Variants in MAGI2 observed in about 807,000 individuals in gnomAD.
The protein encoded by MAGI2 is membrane-associated guanylate kinase, WW and PDZ domain-containing protein 2.
In MAGI2, 35 loss-of-function variants were observed where a neutral mutation model predicts 133.3. The ratio of observed to expected loss-of-function variants is 0.26; its 90% CI spans 0.20 to 0.35. The LOEUF (loss-of-function observed/expected upper bound fraction) is 0.35. MAGI2 is among the 10% of genes least tolerant of loss of function. The pLI is 1.00. For synonymous variants in MAGI2, 729 were observed against 710.6 expected (o/e 1.03, Z -0.41); for missense variants, 1,636 against 1,863.4 (o/e 0.88, Z 2.25).
Position 79,403,495 on chromosome 7 carries a change from T to C in MAGI2, c.301+49525A>G, listed in dbSNP as rs545437273. 9.2e-5 allele frequency among the ~76,000 whole-genome samples: 14 copies of C among 152,248 alleles called. 1 individual carries two copies. The highest frequency in any genetic ancestry group is 3.4e-3 in the Middle Eastern group (1 of 294). On this transcript the variant is annotated intron_variant, in intron 1 of 21. Transcript: ENST00000354212. ...TTTAAAATTATTTAAAAAGCACTTC[T>C]GGATAAAGTATAGAAATATATATTT... is the stretch of plus-strand genomic sequence containing the variant.
chr7:78,523,228 A>G (rs1796661553), intron 3 of MAGI2, among the ~76,000 whole-genome samples: 1 of 152,204 alleles, frequency 6.6e-6, no homozygotes, highest in African/African-American at 2.4e-5. Context: ...AGTTGGGAAG[A>G]GCAGTAATTG....
At chr7:78,871,137 C>T (rs1584229991) in intron 2 of MAGI2, among the ~76,000 whole-genome samples, 1 of 152,122 alleles carries the variant, frequency 6.6e-6, no homozygotes, top group East Asian at 1.9e-4. Flanking sequence ...GGTGAAACCC[C>T]ATCGCTATCG....
intron 3 of MAGI2, among the ~76,000 whole-genome samples, chr7:78,532,809 T>C (rs1344101832): frequency 6.6e-6 from 1 of 152,244 alleles, no homozygotes; most frequent in East Asian, 1.9e-4. Flanking sequence ...TTTGACTGCA[T>C]GATGCTAGCA....
Position 78,594,181 on chromosome 7 carries a change from C to T in MAGI2, c.538+32939G>A, listed in dbSNP as rs28539077. Among the ~76,000 whole-genome samples, 1,051 of 152,200 alleles carry T rather than the reference C, an allele frequency of 6.9e-3. 7 individuals are homozygous for T. Among genetic ancestry groups the T allele is most frequent in the African/African-American group, 0.024 (1,003 of 41,510 alleles). ...AATGTTGAAGCTGCTCTCAGTTTGC[C>T]GGAACTATATAGCTTTGGCAGAAGC... On this transcript the variant is annotated intron_variant, in intron 3 of 21. Transcript: ENST00000354212.
intron 6 of MAGI2, among the ~76,000 whole-genome samples, chr7:78,459,382 C>T (rs1017254724): frequency 6.6e-6 from 1 of 152,166 alleles, no homozygotes; most frequent in African/African-American, 2.4e-5. Flanking sequence ...ACGTTTATGG[C>T]TCATTTCCTT....
At chr7:78,968,447 A>G (rs1203083772) in intron 2 of MAGI2, among the ~76,000 whole-genome samples, 1 of 150,734 alleles carries the variant, frequency 6.6e-6, no homozygotes, top group Non-Finnish European at 1.5e-5. Context: ...TTTGGTCTTA[A>G]TGTACAGGTC....
chr7:78,018,481 T>G lies in MAGI2; in HGVS notation c.*834A>C, dbSNP rs1807965644. 6.6e-6 allele frequency: 1 copy of G among 152,226 alleles called. No homozygotes were observed. The highest frequency in any genetic ancestry group is 1.5e-5 in the Non-Finnish European group (1 of 68,038). The allele number at this position is 152,226 out of a possible 1,614,324, so 9.4% of individuals were successfully genotyped here. A position where few individuals can be genotyped will look rare whatever the true frequency, so the allele number is the denominator to read the frequency against. ...CCTATCTTGATTAAACAAATTGTGG[T>G]CCTTCAATTATAAAATTCATATTTT... is the stretch of plus-strand genomic sequence containing the variant. On this transcript the variant is annotated 3_prime_UTR_variant, in exon 22 of 22. Coordinates refer to ENST00000354212, the MANE Select transcript of MAGI2 (RefSeq NM_012301.4).
chr7:78,859,201 C>T (rs1041042529), intron 2 of MAGI2, among the ~76,000 whole-genome samples: 7 of 152,164 alleles, frequency 4.6e-5, no homozygotes, highest in African/African-American at 1.7e-4. Flanking sequence ...CCAATTTGCC[C>T]ATCTATGTCT....
chr7:78,587,178 C>G (rs553896308), intron 3 of MAGI2, among the ~76,000 whole-genome samples: 3 of 152,290 alleles, frequency 2.0e-5, no homozygotes, highest in Admixed American at 6.5e-5. Flanking sequence ...AGCAGCTGCA[C>G]CATTTTATAT....
At chr7:78,991,625 C>T (rs1204924163) in intron 2 of MAGI2, among the ~76,000 whole-genome samples, 1 of 149,828 alleles carries the variant, frequency 6.7e-6, no homozygotes, top group African/African-American at 2.5e-5. Flanking sequence ...GGAGAACACT[C>T]ATGAACTAAT....
At chr7:78,216,123 T>G (rs1359012242) in intron 10 of MAGI2, among the ~76,000 whole-genome samples, 1 of 152,224 alleles carries the variant, frequency 6.6e-6, no homozygotes, top group Non-Finnish European at 1.5e-5. Flanking sequence ...TGCCATCATG[T>G]TTTAAGGAAA....
At chr7:78,504,855 T>G (rs1279846888) in intron 4 of MAGI2, among the ~76,000 whole-genome samples, 1 of 152,180 alleles carries the variant, frequency 6.6e-6, no homozygotes, top group Admixed American at 6.5e-5. Flanking sequence ...TTAAAATCAA[T>G]GAATATCTAT....
At chr7:79,381,383 G>T (rs1029802192) in intron 1 of MAGI2, among the ~76,000 whole-genome samples, 2 of 151,504 alleles carry the variant, frequency 1.3e-5, no homozygotes, top group African/African-American at 4.8e-5. Context: ...ATATGCTATA[G>T]GTTTTGCTAT....
chr7:78,094,440 C>CATTGT (rs1021285502), intron 20 of MAGI2, among the ~76,000 whole-genome samples: 1 of 152,152 alleles, frequency 6.6e-6, no homozygotes, highest in Admixed American at 6.5e-5. Flanking sequence ...GCCCCTCCTG[C>CATTGT]ATTGTCCCTG....
At chr7:78,128,071 T>C (rs1821177001) in intron 18 of MAGI2, among the ~76,000 whole-genome samples, 1 of 152,174 alleles carries the variant, frequency 6.6e-6, no homozygotes, top group African/African-American at 2.4e-5. Flanking sequence ...TACTAGATCA[T>C]AGCTATCAAG....
intron 2 of MAGI2, among the ~76,000 whole-genome samples, chr7:78,686,341 C>T (rs987328498): frequency 3.3e-5 from 5 of 152,126 alleles, no homozygotes; most frequent in Non-Finnish European, 5.9e-5. Flanking sequence ...GACACTTTCC[C>T]GTTCACGTAA....
chr7:78,833,704 C>G (rs920841461), intron 2 of MAGI2, among the ~76,000 whole-genome samples: 1 of 152,192 alleles, frequency 6.6e-6, no homozygotes, highest in African/African-American at 2.4e-5. Flanking sequence ...CCATTGTTCT[C>G]TAAAGCCTAG....
intron 1 of MAGI2, among the ~76,000 whole-genome samples, chr7:79,306,466 T>C (rs539898786): frequency 6.6e-6 from 1 of 151,932 alleles, no homozygotes; most frequent in African/African-American, 2.4e-5. Flanking sequence ...CTGGCTGCTT[T>C]TTTGATTTGA....
chr7:78,683,532 T>C (rs1310620555), intron 2 of MAGI2, among the ~76,000 whole-genome samples: 1 of 152,146 alleles, frequency 6.6e-6, no homozygotes, highest in African/African-American at 2.4e-5. Context: ...AGGGATACAA[T>C]TTTCATTGTT....
Sources: allele counts gnomAD v4.1 joint callset (sites outside exome capture counted in the v4.1 genomes callset), GRCh38; gene constraint gnomAD v4.1.1; transcripts MANE v1.5; gene names NCBI Gene and HGNC (gene_info 2026-07-23, HGNC 2026-07-21).